NELFA: variants seen among roughly 807,000 people sequenced by gnomAD.
NELFA encodes the protein negative elongation factor A.
NELFA carries 35 observed loss-of-function variants against 51.8 expected under a neutral mutation model. The ratio of observed to expected loss-of-function variants is 0.68; its 90% CI spans 0.52 to 0.90. The LOEUF is 0.90. Ranked by LOEUF, NELFA falls within the 40% of genes least tolerant of loss-of-function variation. NELFA has a pLI of 0.00. For missense variants in NELFA, 658 were observed against 746.4 expected (o/e 0.88, Z 1.38); for synonymous variants, 417 against 338.4 (o/e 1.23, Z -2.55).
chr4:1,986,974 T>C (rs1203477640), intron 4 of NELFA, among the ~76,000 whole-genome samples: 1 of 152,084 alleles, frequency 6.6e-6, no homozygotes, highest in East Asian at 1.9e-4. Flanking sequence ...GGTGCAGCCC[T>C]GGCCCTGGGA....
chr4:1,984,029 G>GC lies in NELFA; in HGVS notation c.1120dup (p.Ala374GlyfsTer55). Reference sequence around the variant, plus strand: ...GCTCAGGCCGCTGTTGTACATGGGCGCCCGCTGCTTGAACTGCGCTGGCAA... The same window carrying GC: ...GCTCAGGCCGCTGTTGTACATGGGCGCCCCGCTGCTTGAACTGCGCTGGCAA... On this transcript the variant is annotated frameshift_variant, in exon 9 of 11. Transcript: ENST00000382882. LOFTEE classifies it high-confidence loss of function. 1 of 1,607,302 alleles carries GC rather than the reference G, an allele frequency of 6.2e-7. No homozygotes were observed.
intron 7 of NELFA, 95 bp downstream of exon 7, chr4:1,985,681 T>A (rs979296795): frequency 2.3e-6 from 2 of 876,828 alleles, no homozygotes; most frequent in East Asian, 5.1e-5. Context: ...TACATACATA[T>A]ATATATTCTC....
At chr4:1,985,396 G>C (rs2109054373) in intron 7 of NELFA, among the ~76,000 whole-genome samples, 1 of 152,236 alleles carries the variant, frequency 6.6e-6, no homozygotes, top group South Asian at 2.1e-4. Context: ...GGCAGGGCCT[G>C]GTCTCCGGGA....
rs1728201688 is a variant in NELFA at position 1,989,210 on chromosome 4, T to C, written c.544+498A>G. ...ATCTGCTGGCCTCAGCCTCCCAAAG[T>C]GCTGGGTTTACAGGTGTGAGCCACC... On this transcript the variant is annotated intron_variant, in intron 3 of 10. Coordinates refer to ENST00000382882, the MANE Select transcript of NELFA (RefSeq NM_005663.5). The surrounding 1 kb of genome is among the most constrained non-coding windows in gnomAD (Gnocchi z 4.8). 6.6e-6 allele frequency among the ~76,000 whole-genome samples: 1 copy of C among 152,332 alleles called. No homozygotes were observed. The highest frequency in any genetic ancestry group is 1.5e-5 in the Non-Finnish European group (1 of 68,032).
In NELFA at chr4:1,989,333, T is replaced by C. The variant is rs1277830634; in HGVS notation, c.544+375A>G. 1.3e-5 allele frequency among the ~76,000 whole-genome samples: 2 copies of C among 152,088 alleles called. No individual in the cohort carries two copies. The highest frequency in any genetic ancestry group is 3.9e-4 in the East Asian group (2 of 5,186). ...TAACAAAAAACTTTATGCAGAACTT[T>C]ATCTTCTTTTTCTTGAGACAGGGTC... On this transcript the variant is annotated intron_variant, in intron 3 of 10. Transcript: ENST00000382882. The surrounding 1 kb of genome is among the most constrained non-coding windows in gnomAD (Gnocchi z 4.8).
chr4:1,999,653 G>C (rs1728520884), intron 1 of NELFA, among the ~76,000 whole-genome samples: 1 of 152,098 alleles, frequency 6.6e-6, no homozygotes, highest in Non-Finnish European at 1.5e-5. Flanking sequence ...AGTTCCTACA[G>C]ACCTACAACG....
intron 1 of NELFA, chr4:2,007,209 A>C (rs1365563589): frequency 2.9e-6 from 1 of 350,214 alleles, no homozygotes; most frequent in African/African-American, 2.1e-5. Flanking sequence ...CCTGTCTCAA[A>C]CAAAACACAA....
intron 1 of NELFA, among the ~76,000 whole-genome samples, chr4:1,996,099 A>G (rs1728415608): frequency 6.6e-6 from 1 of 152,264 alleles, no homozygotes; most frequent in Non-Finnish European, 1.5e-5. Flanking sequence ...TATGATTCGC[A>G]AGCTTACTGG....
At position 1,989,940 on chromosome 4, in the gene NELFA, C is replaced by T; in HGVS notation, c.383-71G>A. ...CCTCCCGGCTGAGAGGAGCTGGCGGCTGCCCAGCCCCACACCCTCCTCAGT... is the reference window on the plus strand; with the variant it reads ...CCTCCCGGCTGAGAGGAGCTGGCGGTTGCCCAGCCCCACACCCTCCTCAGT... On this transcript the variant is annotated intron_variant, in intron 2 of 10. Transcript: ENST00000382882. This position sits in a 1 kb window ranked among gnomAD's most constrained non-coding sequence, Gnocchi z 4.8. 9.7e-6 allele frequency: 15 copies of T among 1,551,282 alleles called. No individual in the cohort carries two copies. The highest frequency in any genetic ancestry group is 1.3e-5 in the Non-Finnish European group (15 of 1,146,062).
In NELFA at chr4:1,983,947, C is replaced by T. The variant is rs765684492; in HGVS notation, c.1203G>A (p.Pro401=). 4.0e-5 allele frequency: 65 copies of T among 1,611,090 alleles called. No individual in the cohort carries two copies. Among genetic ancestry groups the T allele is most frequent in the South Asian group, 7.7e-5 (7 of 90,822 alleles). Residue 401 remains proline (P), a synonymous_variant, in exon 9 of 11, where the codon CCG becomes CCA. Transcript: ENST00000382882. ...PTSPLTPTTP[P]AVAPTTQTPP... ...GTGTCTGAGTGGTAGGGGCGACAGC[C>T]GGAGGTGTGGTGGGTGTCAGAGGCG... is the stretch of plus-strand genomic sequence containing the variant.
At chr4:1,986,033 G>A (rs1046381223) in intron 6 of NELFA, 81 bp downstream of exon 6, 128 of 1,457,502 alleles carry the variant, frequency 8.8e-5, no homozygotes, top group Non-Finnish European at 1.0e-4. Flanking sequence ...CCTGCCCGCC[G>A]AGCGTGGGCA....
intron 2 of NELFA, 69 bp downstream of exon 2, chr4:1,991,475 T>C: frequency 6.4e-7 from 1 of 1,551,272 alleles, no homozygotes; most frequent in Non-Finnish European, 8.8e-7. Context: ...CAAATTCATT[T>C]CAGAAAAAAA....
intron 1 of NELFA, among the ~76,000 whole-genome samples, chr4:2,006,794 A>G (rs1330384309): frequency 2.0e-5 from 3 of 148,548 alleles, no homozygotes; most frequent in African/African-American, 7.4e-5. Context: ...AAAAAAAAAA[A>G]GGATTCCAGG....
At chr4:2,007,847 C>A in intron 1 of NELFA, 1 of 392,530 alleles carries the variant, frequency 2.5e-6, no homozygotes, top group South Asian at 1.9e-5. Context: ...GCTAATAATA[C>A]ATCAGTAGCC....
At chr4:1,992,373 A>G in intron 1 of NELFA, 1 of 301,840 alleles carries the variant, frequency 3.3e-6, no homozygotes, top group Admixed American at 4.5e-5. Context: ...TGCGTGGAGG[A>G]AGCAGGCGCA....
At position 1,986,356 on chromosome 4, in the gene NELFA, C is replaced by T. The variant is rs145918918; in HGVS notation, c.681G>A (p.Thr227=). 130 of 1,607,812 alleles carry T rather than the reference C, an allele frequency of 8.1e-5. No homozygotes were observed. Among genetic ancestry groups the T allele is most frequent in the Non-Finnish European group, 1.1e-4 (125 of 1,177,582 alleles). The change falls in exon 5 of 11, where the codon ACG becomes ACA. Residue 227 remains threonine, a synonymous_variant. Coordinates refer to ENST00000382882, the MANE Select transcript of NELFA (RefSeq NM_005663.5). ...CTGTGGGGCTGAAGACGCTGGGCGCCGTGGGGCTTCTGAAGGGCGCCTGCT... is the reference window on the plus strand; with the variant it reads ...CTGTGGGGCTGAAGACGCTGGGCGCTGTGGGGCTTCTGAAGGGCGCCTGCT... ...IPKQAPFRSP[T]APSVFSPTGN...
intron 1 of NELFA, among the ~76,000 whole-genome samples, chr4:1,998,638 A>T (rs1440422563): frequency 3.9e-5 from 6 of 152,162 alleles, no homozygotes; most frequent in Non-Finnish European, 8.8e-5. Context: ...GCCTCCAAAA[A>T]ACACGGGATT....
rs1727995372 is a variant in NELFA, at chr4:1,983,976, T to C, written c.1174A>G (p.Thr392Ala). ...SPATPTPAAP[T>A]SPLTPTTPPA... Reference sequence around the variant, plus strand: ...GGTGTGGTGGGTGTCAGAGGCGAGGTGGGCGCCGCAGGCGTGGGTGTGGCA... The same window carrying C: ...GGTGTGGTGGGTGTCAGAGGCGAGGCGGGCGCCGCAGGCGTGGGTGTGGCA... The change falls in exon 9 of 11, where the codon ACC becomes GCC. Residue 392 changes from threonine (T) to alanine (A), a missense_variant. Transcript: ENST00000382882. 2 of 1,607,998 alleles carry C rather than the reference T, an allele frequency of 1.2e-6. No homozygotes were observed. The highest frequency in any genetic ancestry group is 2.2e-5 in the East Asian group (1 of 44,750).
At chr4:2,002,041 A>G (rs571002350) in intron 1 of NELFA, among the ~76,000 whole-genome samples, 30 of 151,858 alleles carry the variant, frequency 2.0e-4, no homozygotes, top group Non-Finnish European at 4.3e-4. Context: ...TCTACTAAAA[A>G]TACAAAAAAT....
Sources: gnomAD v4.1 joint callset for allele counts (sites outside exome capture counted in the v4.1 genomes callset) on GRCh38, gnomAD v4.1.1 for gene constraint, Gnocchi (gnomAD v3.1) non-coding constraint, MANE v1.5 for transcripts, NCBI Gene and HGNC (gene_info 2026-07-23, HGNC 2026-07-21) for gene names.